Variants in RAI14 observed in about 807,000 individuals in gnomAD.
RAI14 encodes ankycorbin.
Under a neutral mutation model 115.4 loss-of-function variants are expected in RAI14, and 45 were observed. The observed-to-expected ratio is 0.39, with a 90% CI of 0.31 to 0.50. RAI14 has a LOEUF of 0.50. RAI14 is among the 20% of genes least tolerant of loss of function. The probability of loss-of-function intolerance (pLI) is 0.85; values close to 1 mark genes in which losing one functional copy is unlikely to be tolerated. For synonymous variants in RAI14, 371 were observed against 415.4 expected (o/e 0.89, Z 1.30); for missense variants, 939 against 1,131.2 (o/e 0.83, Z 2.44).
At chr5:34,799,057 A>G (rs994793887) in intron 4 of RAI14, among the ~76,000 whole-genome samples, 4 of 152,228 alleles carry the variant, frequency 2.6e-5, no homozygotes, top group African/African-American at 9.6e-5. Context: ...ACACGGGAAC[A>G]AAAGAAGAAC....
intron 3 of RAI14, among the ~76,000 whole-genome samples, chr5:34,764,433 A>C (rs77970386): frequency 0.038 from 5,785 of 152,250 alleles, 204 homozygotes; most frequent in African/African-American, 0.093. Flanking sequence ...GCAGGACAGG[A>C]TACAGTGAGA....
intron 2 of RAI14, among the ~76,000 whole-genome samples, chr5:34,713,467 C>T (rs925111598): frequency 6.6e-6 from 1 of 152,074 alleles, no homozygotes; most frequent in Non-Finnish European, 1.5e-5. Flanking sequence ...CTCAACAGTA[C>T]TTTCTAATAC....
chr5:34,738,285 C>T (rs1745105905), intron 2 of RAI14, among the ~76,000 whole-genome samples: 1 of 152,042 alleles, frequency 6.6e-6, no homozygotes, highest in African/African-American at 2.4e-5. Flanking sequence ...AAAACAAAAC[C>T]CCAAATATTT....
intron 2 of RAI14, among the ~76,000 whole-genome samples, chr5:34,704,350 T>TA (rs1190117658): frequency 6.6e-6 from 1 of 152,208 alleles, no homozygotes; most frequent in Non-Finnish European, 1.5e-5. Context: ...TTTGTCCTGT[T>TA]TGTCTTTCCT....
chr5:34,814,286 AT>A (rs1755929547), intron 11 of RAI14, among the ~76,000 whole-genome samples: 1 of 152,184 alleles, frequency 6.6e-6, no homozygotes, highest in South Asian at 2.1e-4. Context: ...TCTCATAAGT[AT>A]TTTTTAAATG....
chr5:34,784,759 G>A (rs1056803772), intron 3 of RAI14, among the ~76,000 whole-genome samples: 3 of 152,164 alleles, frequency 2.0e-5, no homozygotes, highest in Non-Finnish European at 2.9e-5. Context: ...CTTGCTTTTC[G>A]ATTAGCTGCA....
intron 1 of RAI14, among the ~76,000 whole-genome samples, chr5:34,681,887 C>T (rs1744413190): frequency 7.7e-6 from 1 of 130,642 alleles, no homozygotes; most frequent in South Asian, 2.4e-4. Context: ...TGGAGTTTCG[C>T]TCTTGTTGCC....
rs150675264 is a variant in RAI14 at position 34,770,939 on chromosome 5, T to A, written c.167+13341T>A. On this transcript the variant is annotated intron_variant, in intron 3 of 17. Transcript: ENST00000265109. ...CAATAAAAATATAAGCAGTTTGAGGTGGTCAGGATACAAGGCTCCTGTTGC... is the reference window on the plus strand; with the variant it reads ...CAATAAAAATATAAGCAGTTTGAGGAGGTCAGGATACAAGGCTCCTGTTGC... 2.6e-4 allele frequency among the ~76,000 whole-genome samples: 39 copies of A among 152,130 alleles called. No individual in the cohort carries two copies. The East Asian group carries it at 6.4e-3, about 25-fold the overall frequency.
rs775498896 is a variant in RAI14 at position 34,810,997 on chromosome 5, G to A, written c.451-15G>A. ...TGTGCCTGAGGTAAAATCTAAATCT[G>A]AATTTGTCTCCTAGGATGGGAATAT... is the stretch of plus-strand genomic sequence containing the variant. On this transcript the variant is annotated splice_polypyrimidine_tract_variant and intron_variant, in intron 7 of 17. Coordinates refer to ENST00000265109, the MANE Select transcript of RAI14 (RefSeq NM_015577.3). 1 of 1,610,958 alleles carries A rather than the reference G, an allele frequency of 6.2e-7. No individual in the cohort carries two copies. The highest frequency in any genetic ancestry group is 1.1e-5 in the South Asian group (1 of 89,910).
intron 2 of RAI14, among the ~76,000 whole-genome samples, chr5:34,689,232 C>T (rs1285873583): frequency 2.0e-5 from 3 of 151,912 alleles, no homozygotes; most frequent in Non-Finnish European, 4.4e-5. Context: ...GGTAAAACCC[C>T]ATCTCCACAA....
chr5:34,666,548 A>G (rs1263807273), intron 1 of RAI14, among the ~76,000 whole-genome samples: 1 of 152,198 alleles, frequency 6.6e-6, no homozygotes, highest in Non-Finnish European at 1.5e-5. Flanking sequence ...GGAGGAAAAC[A>G]TGCTTCTGTG....
At chr5:34,704,785 G>A (rs1338066014) in intron 2 of RAI14, among the ~76,000 whole-genome samples, 7 of 152,136 alleles carry the variant, frequency 4.6e-5, no homozygotes, top group Non-Finnish European at 8.8e-5. Context: ...CTTATAGGAT[G>A]ACTTCAGTTT....
chr5:34,731,414 A>C (rs1467867686), intron 2 of RAI14, among the ~76,000 whole-genome samples: 1 of 152,218 alleles, frequency 6.6e-6, no homozygotes, highest in African/African-American at 2.4e-5. Context: ...ATTATCTTGC[A>C]ATGATATACC....
At chr5:34,699,146 A>G (rs1739721353) in intron 2 of RAI14, among the ~76,000 whole-genome samples, 1 of 152,214 alleles carries the variant, frequency 6.6e-6, no homozygotes, top group Admixed American at 6.5e-5. Flanking sequence ...TTTGGGTACA[A>G]CTATTTACCA....
At chr5:34,768,845 T>C (rs1749768286) in intron 3 of RAI14, among the ~76,000 whole-genome samples, 1 of 152,074 alleles carries the variant, frequency 6.6e-6, no homozygotes, top group Admixed American at 6.5e-5. Context: ...AAAAATTAGC[T>C]GGATGTGTAG....
At chr5:34,812,024 T>C (rs1755661198) in intron 9 of RAI14, 79 bp downstream of exon 9, 3 of 1,334,490 alleles carry the variant, frequency 2.2e-6, no homozygotes, top group Non-Finnish European at 3.1e-6. Context: ...ATGTGTGCAA[T>C]ATGATATATT....
chr5:34,773,343 G>A (rs1369365687), intron 3 of RAI14, among the ~76,000 whole-genome samples: 1 of 151,988 alleles, frequency 6.6e-6, no homozygotes, highest in Non-Finnish European at 1.5e-5. Flanking sequence ...TCAAAACATT[G>A]GTCTAGGCAA....
chr5:34,745,288 C>A (rs138884856), intron 2 of RAI14, among the ~76,000 whole-genome samples: 1 of 152,316 alleles, frequency 6.6e-6, no homozygotes, highest in African/African-American at 2.4e-5. Context: ...TAAGGCTTGA[C>A]TCATTTTCTG....
rs373289968 is a variant in RAI14, at chr5:34,803,672, C to T, written c.257-40C>T. ...GAAAGAGATTTTTTTTAAAGTGTGGCCTTTTTAAAAAAAATTATTATTTGA... is the reference window on the plus strand; with the variant it reads ...GAAAGAGATTTTTTTTAAAGTGTGGTCTTTTTAAAAAAAATTATTATTTGA... On this transcript the variant is annotated intron_variant, in intron 4 of 17. Coordinates refer to ENST00000265109, the MANE Select transcript of RAI14 (RefSeq NM_015577.3). 16 of 1,510,492 alleles carry T rather than the reference C, an allele frequency of 1.1e-5. No individual in the cohort carries two copies. The African/African-American group carries it at 1.8e-4, about 17-fold the overall frequency. The allele number at this position is 1,510,492 out of a possible 1,614,324, so 93.6% of individuals were successfully genotyped here.
Sources: allele counts gnomAD v4.1 joint callset (sites outside exome capture counted in the v4.1 genomes callset), GRCh38; gene constraint gnomAD v4.1.1; transcripts MANE v1.5; gene names NCBI Gene and HGNC (gene_info 2026-07-23, HGNC 2026-07-21).